Variants in ABTB2 observed in about 807,000 individuals in gnomAD.
ABTB2 encodes the protein ankyrin repeat and BTB domain containing 2, also known as ankyrin repeat and BTB/POZ domain-containing protein 2.
ABTB2 carries 56 observed loss-of-function variants against 104.1 expected under a neutral mutation model. That is an observed-to-expected ratio of 0.54 (90% CI 0.43 to 0.67). The LOEUF (loss-of-function observed/expected upper bound fraction) is 0.67. Ranked by LOEUF, ABTB2 falls within the 30% of genes least tolerant of loss-of-function variation. The probability of loss-of-function intolerance (pLI) is 0.00; values close to 1 mark genes in which losing one functional copy is unlikely to be tolerated. For missense variants in ABTB2, 1,279 were observed against 1,407.7 expected (o/e 0.91, Z 1.46); for synonymous variants, 606 against 608.2 (o/e 1.00, Z 0.05).
intron 1 of ABTB2, among the ~76,000 whole-genome samples, chr11:34,230,726 T>C (rs917134996): frequency 6.6e-6 from 1 of 152,210 alleles, no homozygotes; most frequent in Admixed American, 6.5e-5. Flanking sequence ...ACAGTGCCTC[T>C]TCCAGTCCTT....
intron 3 of ABTB2, among the ~76,000 whole-genome samples, chr11:34,182,511 A>G (rs563768988): frequency 3.8e-4 from 47 of 124,656 alleles, no homozygotes; most frequent in Non-Finnish European, 5.7e-4. Flanking sequence ...GGGGGGGGGA[A>G]ATTCACTTTT....
rs1484031074 is a variant in ABTB2 at position 34,163,213 on chromosome 11, A to G, written c.1989-408T>C. 2.0e-5 allele frequency among the ~76,000 whole-genome samples: 3 copies of G among 152,346 alleles called. No homozygotes were observed. The East Asian group carries it at 5.8e-4, about 29-fold the overall frequency. On this transcript the variant is annotated intron_variant, in intron 9 of 16. Coordinates refer to ENST00000435224, the MANE Select transcript of ABTB2 (RefSeq NM_145804.3). ...AGGCTGATGTAAAGGGTTTAAATGC[A>G]GAGCCTGAAACACAGCAGGTCTTTC...
At chr11:34,159,526 T>G (rs1433750101) in intron 13 of ABTB2, 140 bp from the exon 14 acceptor site, 3 of 651,868 alleles carry the variant, frequency 4.6e-6, no homozygotes, top group Non-Finnish European at 8.1e-6. Flanking sequence ...AAAATAATTT[T>G]CAGCAAGTGC....
intron 12 of ABTB2, 108 bp from the exon 13 acceptor site, chr11:34,160,116 T>G (rs1590201889): frequency 3.2e-6 from 4 of 1,251,290 alleles, no homozygotes; most frequent in Non-Finnish European, 4.6e-6. Context: ...GACACAGAGG[T>G]GAGGAACAGA....
At chr11:34,225,742 T>C (rs1301723437) in intron 1 of ABTB2, among the ~76,000 whole-genome samples, 1 of 149,968 alleles carries the variant, frequency 6.7e-6, no homozygotes, top group African/African-American at 2.5e-5. Flanking sequence ...GTAACAAGAG[T>C]GAAACTCCAC....
chr11:34,244,348 T>C (rs988771516), intron 1 of ABTB2, among the ~76,000 whole-genome samples: 1 of 152,114 alleles, frequency 6.6e-6, no homozygotes, highest in Non-Finnish European at 1.5e-5. Flanking sequence ...TGACCGATAG[T>C]GGGAAAAGCA....
chr11:34,211,022 A>G (rs1853474729), intron 1 of ABTB2, among the ~76,000 whole-genome samples: 1 of 152,206 alleles, frequency 6.6e-6, no homozygotes. Context: ...GTTGTTATAT[A>G]TTAGTCATGC....
At chr11:34,211,343 A>C (rs1371171665) in intron 1 of ABTB2, among the ~76,000 whole-genome samples, 1 of 152,106 alleles carries the variant, frequency 6.6e-6, no homozygotes, top group Non-Finnish European at 1.5e-5. Context: ...TCCTGGGCTC[A>C]AGCAATCTGC....
intron 1 of ABTB2, among the ~76,000 whole-genome samples, chr11:34,293,241 G>T (rs1039040877): frequency 6.6e-6 from 1 of 151,884 alleles, no homozygotes; most frequent in Non-Finnish European, 1.5e-5. Context: ...CCCAGGGAGA[G>T]AAGCAGGGGA....
In ABTB2 at chr11:34,165,297, G is replaced by C; in HGVS notation, c.1815C>G (p.Ser605Arg). 6 of 1,571,706 alleles carry C rather than the reference G, an allele frequency of 3.8e-6. No individual in the cohort carries two copies. Among genetic ancestry groups the C allele is most frequent in the Non-Finnish European group, 5.2e-6 (6 of 1,159,476 alleles). The change falls in exon 8 of 17, where the codon AGC becomes AGG. Residue 605 changes from serine to arginine, a missense_variant. Transcript: ENST00000435224. ...EGSAVNGGED[S>R]YAETPLQLAS... Reference sequence around the variant, plus strand: ...CCAGCTGCAGGGGCGTCTCCGCATAGCTGTCCTCGCCGCCGTTCACTGCCG... The same window carrying C: ...CCAGCTGCAGGGGCGTCTCCGCATACCTGTCCTCGCCGCCGTTCACTGCCG...
At chr11:34,311,710 T>C (rs1854857276) in intron 1 of ABTB2, among the ~76,000 whole-genome samples, 1 of 152,234 alleles carries the variant, frequency 6.6e-6, no homozygotes, top group South Asian at 2.1e-4. Flanking sequence ...CAGTTACTAG[T>C]ATTCTTTCCT....
chr11:34,259,416 G>A (rs886355964), intron 1 of ABTB2, among the ~76,000 whole-genome samples: 2 of 152,200 alleles, frequency 1.3e-5, no homozygotes, highest in Admixed American at 6.5e-5. Flanking sequence ...TGGGGAATAG[G>A]TAAGAACCAC....
chr11:34,272,302 C>CAAAAAAAAAAAA (rs60997940), intron 1 of ABTB2, among the ~76,000 whole-genome samples: 5 of 80,764 alleles, frequency 6.2e-5, no homozygotes, highest in Non-Finnish European at 1.1e-4. Context: ...CAGGAAGCTG[C>CAAAAAAAAAAAA]AAAAAAAAAA....
chr11:34,346,446 C>T (rs2133126491), intron 1 of ABTB2, among the ~76,000 whole-genome samples: 1 of 152,138 alleles, frequency 6.6e-6, no homozygotes, highest in East Asian at 1.9e-4. Flanking sequence ...AAGCATGTAG[C>T]ACTCATCTTT....
At chr11:34,344,725 T>C (rs1253254047) in intron 1 of ABTB2, among the ~76,000 whole-genome samples, 1 of 152,210 alleles carries the variant, frequency 6.6e-6, no homozygotes, top group African/African-American at 2.4e-5. Flanking sequence ...CTCGAACTCC[T>C]GGACTCAAGC....
At chr11:34,169,841 C>T (rs1202249592) in intron 5 of ABTB2, among the ~76,000 whole-genome samples, 4 of 152,156 alleles carry the variant, frequency 2.6e-5, no homozygotes, top group Non-Finnish European at 5.9e-5. Context: ...CCATCCTGCC[C>T]TCCCCCAGGC....
At chr11:34,195,075 C>CGGGGGGGGGGGGGGGGGGGGG (rs1461939590) in intron 3 of ABTB2, among the ~76,000 whole-genome samples, 3 of 18,070 alleles carry the variant, frequency 1.7e-4, no homozygotes, top group Admixed American at 6.6e-4. Flanking sequence ...AGATGCCCGG[C>CGGGGGGGGGGGGGGGGGGGGG]GGGGGGGGGG....
At chr11:34,253,218 C>G (rs1346506815) in intron 1 of ABTB2, among the ~76,000 whole-genome samples, 1 of 152,162 alleles carries the variant, frequency 6.6e-6, no homozygotes, top group Admixed American at 6.5e-5. Context: ...GCCCAGAGGC[C>G]TCACCTGGGC....
intron 3 of ABTB2, among the ~76,000 whole-genome samples, chr11:34,174,169 C>CA (rs1454670851): frequency 6.6e-6 from 1 of 151,924 alleles, no homozygotes; most frequent in African/African-American, 2.4e-5. Flanking sequence ...TTAAAAAATA[C>CA]AAAAAATAAG....
Sources: allele counts gnomAD v4.1 joint callset (sites outside exome capture counted in the v4.1 genomes callset), GRCh38; gene constraint gnomAD v4.1.1; transcripts MANE v1.5; gene names NCBI Gene and HGNC (gene_info 2026-07-23, HGNC 2026-07-21).